The following UBE2G1 variants were observed in gnomAD, a reference collection of about 807,000 sequenced individuals.
UBE2G1 encodes ubiquitin conjugating enzyme E2 G1, also known as ubiquitin-conjugating enzyme E2 G1.
In UBE2G1, 5 loss-of-function variants were observed where a neutral mutation model predicts 22.7. The observed-to-expected ratio is 0.22, with a 90% CI of 0.12 to 0.46. The LOEUF is 0.46. UBE2G1 is among the 20% of genes least tolerant of loss of function. UBE2G1 has a pLI of 0.99. For missense variants in UBE2G1, 88 were observed against 203.9 expected (o/e 0.43, Z 3.46); for synonymous variants, 74 against 67.5 (o/e 1.10, Z -0.47).
At chr17:4,331,994 T>C (rs966402552) in intron 1 of UBE2G1, 1 of 152,210 alleles carries the variant, frequency 6.6e-6, no homozygotes, top group South Asian at 2.1e-4. Context: ...CCAGGAGATC[T>C]GAACCTAAAA....
At chr17:4,319,413 G>GTCACT (rs141251076) in intron 1 of UBE2G1, among the ~76,000 whole-genome samples, 67 of 152,156 alleles carry the variant, frequency 4.4e-4, no homozygotes, top group Non-Finnish European at 8.7e-4. Context: ...GAAGAAATAC[G>GTCACT]GAATCCTGAA....
intron 1 of UBE2G1, among the ~76,000 whole-genome samples, chr17:4,328,837 C>A (rs532605473): frequency 5.3e-5 from 8 of 152,134 alleles, no homozygotes; most frequent in African/African-American, 7.2e-5. Context: ...CTGTAATCCC[C>A]GCACTTTGGG....
intron 1 of UBE2G1, among the ~76,000 whole-genome samples, chr17:4,339,094 T>G (rs9889739): frequency 0.11 from 17,027 of 152,264 alleles, 1,279 homozygotes; most frequent in Non-Finnish European, 0.16. Flanking sequence ...ATGAAAATTT[T>G]TCAACAACAG....
intron 3 of UBE2G1, among the ~76,000 whole-genome samples, chr17:4,295,913 CAT>C (rs995483506): frequency 6.8e-6 from 1 of 147,046 alleles, no homozygotes; most frequent in African/African-American, 2.5e-5. Flanking sequence ...AAGTCAATGT[CAT>C]CACTACGTGC....
chr17:4,348,469 C>T (rs957094521), intron 1 of UBE2G1, among the ~76,000 whole-genome samples: 2 of 148,456 alleles, frequency 1.3e-5, no homozygotes, highest in Admixed American at 6.8e-5. Context: ...AGGAGAATGG[C>T]GTGAATCCGG....
chr17:4,350,128 A>T (rs1229486707), intron 1 of UBE2G1, among the ~76,000 whole-genome samples: 1 of 152,116 alleles, frequency 6.6e-6, no homozygotes, highest in East Asian at 1.9e-4. Context: ...ACAAATGAGC[A>T]AATTTCTATC....
In UBE2G1 at chr17:4,366,545, G is replaced by C; in HGVS notation, c.-229C>G. ...ACGCCCGGAAGGGGAGGGTGCCCGGGCTGCCGCGGCGCGCACTGGGACTTC... is the reference window on the plus strand; with the variant it reads ...ACGCCCGGAAGGGGAGGGTGCCCGGCCTGCCGCGGCGCGCACTGGGACTTC... On this transcript the variant is annotated 5_prime_UTR_variant, in exon 1 of 6. Transcript: ENST00000396981. The C allele has an allele frequency of 4.8e-6, 2 of 414,166 alleles. No individual in the cohort carries two copies. The highest frequency in any genetic ancestry group is 8.5e-6 in the Non-Finnish European group (2 of 235,072). 25.7% of individuals were successfully genotyped at this position (414,166 alleles called of 1,614,324 possible). A position where few individuals can be genotyped will look rare whatever the true frequency, so the allele number is the denominator to read the frequency against.
intron 2 of UBE2G1, among the ~76,000 whole-genome samples, chr17:4,298,678 T>C (rs1212576140): frequency 3.9e-5 from 6 of 152,256 alleles, no homozygotes; most frequent in African/African-American, 1.4e-4. Flanking sequence ...AAAAAAGCTG[T>C]AAAGGGTTAA....
intron 5 of UBE2G1, among the ~76,000 whole-genome samples, chr17:4,277,416 G>A (rs1386632974): frequency 6.6e-6 from 1 of 152,202 alleles, no homozygotes; most frequent in African/African-American, 2.4e-5. Flanking sequence ...GTGCAGAACG[G>A]AGTCCTCCTG....
At chr17:4,336,760 C>G (rs1044895249) in intron 1 of UBE2G1, among the ~76,000 whole-genome samples, 1 of 151,956 alleles carries the variant, frequency 6.6e-6, no homozygotes, top group Non-Finnish European at 1.5e-5. Context: ...TGTGAGCCAC[C>G]GCACCCAGCC....
At chr17:4,345,756 C>T (rs1198140201) in intron 1 of UBE2G1, 1 of 152,142 alleles carries the variant, frequency 6.6e-6, no homozygotes, top group African/African-American at 2.4e-5. Context: ...TCTCATCTTA[C>T]AAGGGAAGGT....
chr17:4,307,878 G>A (rs990205746), intron 1 of UBE2G1, among the ~76,000 whole-genome samples: 2 of 152,120 alleles, frequency 1.3e-5, no homozygotes, highest in African/African-American at 4.8e-5. Context: ...GCAAGGTGGG[G>A]GCACACAGGC....
At chr17:4,307,473 T>C (rs952371238) in intron 1 of UBE2G1, among the ~76,000 whole-genome samples, 1 of 152,194 alleles carries the variant, frequency 6.6e-6, no homozygotes, top group Non-Finnish European at 1.5e-5. Context: ...AATCAAATCA[T>C]GTTGGCAATT....
chr17:4,354,894 A>G (rs910303213), intron 1 of UBE2G1, among the ~76,000 whole-genome samples: 7 of 151,544 alleles, frequency 4.6e-5, no homozygotes, highest in African/African-American at 1.7e-4. Context: ...CCATCATCAC[A>G]TCCCTGCACT....
intron 1 of UBE2G1, among the ~76,000 whole-genome samples, chr17:4,343,588 C>T (rs905236813): frequency 8.4e-6 from 1 of 118,892 alleles, no homozygotes; most frequent in African/African-American, 5.1e-5. Flanking sequence ...TTCTTCAAAC[C>T]TTTTTTCTTT....
At chr17:4,353,812 ATTTTTTTTT>A (rs11437680) in intron 1 of UBE2G1, among the ~76,000 whole-genome samples, 3 of 104,848 alleles carry the variant, frequency 2.9e-5, no homozygotes, top group Non-Finnish European at 5.5e-5. Flanking sequence ...GCCCGGTCAA[ATTTTTTTTT>A]TTTTTTTTTT....
intron 1 of UBE2G1, among the ~76,000 whole-genome samples, chr17:4,353,401 A>G (rs747796885): frequency 6.6e-6 from 1 of 152,030 alleles, no homozygotes; most frequent in Admixed American, 6.6e-5. Flanking sequence ...CAACTAATAT[A>G]AACTAGTGTC....
rs1968753969 is a variant in UBE2G1 at position 4,271,117 on chromosome 17, C to G, written c.*1437G>C. 1.3e-5 allele frequency: 2 copies of G among 152,208 alleles called. No individual in the cohort carries two copies. Among genetic ancestry groups the G allele is most frequent in the Non-Finnish European group, 2.9e-5 (2 of 68,044 alleles). 9.4% of individuals were successfully genotyped at this position (152,208 alleles called of 1,614,324 possible). ...TTTAACACTGCACATGTTCATTTTA[C>G]CATTTGCTGAAGTTGTTTTAGAAAA... On this transcript the variant is annotated 3_prime_UTR_variant, in exon 6 of 6. Transcript: ENST00000396981.
At chr17:4,340,461 T>C (rs1969698134) in intron 1 of UBE2G1, among the ~76,000 whole-genome samples, 1 of 152,188 alleles carries the variant, frequency 6.6e-6, no homozygotes, top group African/African-American at 2.4e-5. Context: ...CAATTACATG[T>C]TGAGGGAGGG....
Sources: allele counts gnomAD v4.1 joint callset (sites outside exome capture counted in the v4.1 genomes callset), GRCh38; gene constraint gnomAD v4.1.1; transcripts MANE v1.5; gene names NCBI Gene and HGNC (gene_info 2026-07-23, HGNC 2026-07-21).